CRADD: variants seen among roughly 807,000 people sequenced by gnomAD.
CRADD encodes CARD and death domain containing adaptor protein, also known as death domain-containing protein CRADD.
A neutral mutation model predicts 15.5 loss-of-function variants in CRADD; 9 were observed. The ratio of observed to expected loss-of-function variants is 0.58; its 90% CI spans 0.35 to 1.01. The LOEUF is 1.01. Among genes scored for constraint, CRADD ranks in the 50% least tolerant of loss-of-function variants. The pLI, the probability that CRADD is intolerant of heterozygous loss-of-function variation, is 0.02. For missense variants in CRADD, 227 were observed against 250.3 expected, an observed-to-expected ratio of 0.91 and a Z score of 0.63; for synonymous variants, 118 against 107.6, an observed-to-expected ratio of 1.10 and a Z score of -0.60.
intron 2 of CRADD, among the ~76,000 whole-genome samples, chr12:93,760,150 GA>G (rs1956935734): frequency 6.6e-6 from 1 of 151,958 alleles, no homozygotes; most frequent in Non-Finnish European, 1.5e-5. Flanking sequence ...AGAGGATAGA[GA>G]AAAAAATACA....
rs1957485176 is a variant in CRADD, at chr12:93,802,339, C to T, written c.299-47631C>T. 2.6e-5 allele frequency among the ~76,000 whole-genome samples: 4 copies of T among 152,210 alleles called. No individual in the cohort carries two copies. The South Asian group carries it at 8.3e-4, about 31-fold the overall frequency. ...AAAAGTGTTTCCTTTTAACCACATC[C>T]ATGCCCACATCTATTGTTTTTTGAC... is the stretch of plus-strand genomic sequence containing the variant. On this transcript the variant is annotated intron_variant, in intron 2 of 2. Transcript: ENST00000332896.
chr12:93,681,746 C>T (rs1955308347), intron 2 of CRADD, among the ~76,000 whole-genome samples: 1 of 152,140 alleles, frequency 6.6e-6, no homozygotes, highest in Non-Finnish European at 1.5e-5. Context: ...CAGTGAAAAG[C>T]CCTGAATTGG....
intron 2 of CRADD, among the ~76,000 whole-genome samples, chr12:93,837,101 G>A (rs1055029639): frequency 6.6e-6 from 1 of 152,176 alleles, no homozygotes; most frequent in Non-Finnish European, 1.5e-5. Flanking sequence ...GTTCGCAGCT[G>A]GCTGCTGTGT....
intron 2 of CRADD, among the ~76,000 whole-genome samples, chr12:93,889,095 C>T (rs559287568): frequency 2.6e-5 from 4 of 152,114 alleles, no homozygotes; most frequent in African/African-American, 4.8e-5. Flanking sequence ...GCAGTTGATG[C>T]CAAGGCTGAC....
At chr12:93,806,511 A>G (rs556864730) in intron 2 of CRADD, among the ~76,000 whole-genome samples, 1 of 151,148 alleles carries the variant, frequency 6.6e-6, no homozygotes, top group African/African-American at 2.4e-5. Flanking sequence ...ACACGTGGTC[A>G]GTCTTTGTTC....
chr12:93,807,732 C>T (rs1420219237), intron 2 of CRADD, among the ~76,000 whole-genome samples: 1 of 152,018 alleles, frequency 6.6e-6, no homozygotes, highest in Non-Finnish European at 1.5e-5. Flanking sequence ...TCAGAAGTGG[C>T]TTCTCAAAGG....
intron 2 of CRADD, among the ~76,000 whole-genome samples, chr12:93,836,710 A>G (rs1320572538): frequency 6.6e-6 from 1 of 152,244 alleles, no homozygotes; most frequent in Non-Finnish European, 1.5e-5. Flanking sequence ...GTATGTTATC[A>G]TTGTAATGAA....
At chr12:93,855,619 A>G (rs1342113924), downstream of CRADD, among the ~76,000 whole-genome samples, 1 of 152,142 alleles carries the variant, frequency 6.6e-6, no homozygotes, top group Non-Finnish European at 1.5e-5. Context: ...CACTGTATCT[A>G]AGGCTCTGTC....
Position 93,775,408 on chromosome 12 carries a change from C to T in CRADD, c.299-74562C>T, listed in dbSNP as rs114228150. Among the ~76,000 whole-genome samples, 419 of 152,104 alleles carry T rather than the reference C, an allele frequency of 2.8e-3. 2 individuals carry two copies. Among genetic ancestry groups the T allele is most frequent in the African/African-American group, 9.5e-3 (395 of 41,468 alleles). On this transcript the variant is annotated intron_variant, in intron 2 of 2. Transcript: ENST00000332896. ...ATGTGCAAACACGTATATAGGTTTGCATTAGGAGGCCTGGTTTTCAGAAAG... is the reference window on the plus strand; with the variant it reads ...ATGTGCAAACACGTATATAGGTTTGTATTAGGAGGCCTGGTTTTCAGAAAG...
chr12:93,782,563 C>T (rs1957223223), intron 2 of CRADD, among the ~76,000 whole-genome samples: 1 of 148,560 alleles, frequency 6.7e-6, no homozygotes, highest in African/African-American at 2.5e-5. Context: ...CACTGCACTC[C>T]AACCTGGGCA....
chr12:93,790,978 C>G (rs939775191), intron 2 of CRADD, among the ~76,000 whole-genome samples: 1 of 151,122 alleles, frequency 6.6e-6, no homozygotes, highest in Non-Finnish European at 1.5e-5. Flanking sequence ...ACTCCCCACC[C>G]CCCGACTTCC....
At chr12:93,715,886 A>G (rs1201752741) in intron 2 of CRADD, among the ~76,000 whole-genome samples, 4 of 152,150 alleles carry the variant, frequency 2.6e-5, no homozygotes, top group African/African-American at 9.7e-5. Context: ...TCATGCCTGT[A>G]ATCCCAGCAC....
chr12:93,797,889 A>AG (rs1442946493), intron 2 of CRADD, among the ~76,000 whole-genome samples: 4 of 152,202 alleles, frequency 2.6e-5, no homozygotes, highest in Non-Finnish European at 4.4e-5. Context: ...TCCTGCCTTT[A>AG]GGGGGCTTCC....
At chr12:93,826,287 AG>A (rs1206485041) in intron 2 of CRADD, among the ~76,000 whole-genome samples, 1 of 152,270 alleles carries the variant, frequency 6.6e-6, no homozygotes, top group Non-Finnish European at 1.5e-5. Context: ...TAAATCCCAC[AG>A]GGAAGAGTAT....
chr12:93,737,494 G>C (rs1956591576), intron 2 of CRADD, among the ~76,000 whole-genome samples: 1 of 152,188 alleles, frequency 6.6e-6, no homozygotes, highest in East Asian at 1.9e-4. Context: ...GAACTAATCT[G>C]GTATGTGTTA....
chr12:93,736,202 C>T (rs568675707), intron 2 of CRADD, among the ~76,000 whole-genome samples: 2 of 151,968 alleles, frequency 1.3e-5, no homozygotes, highest in Non-Finnish European at 2.9e-5. Context: ...AAGAGAGAGC[C>T]TCAAAGCAGA....
In CRADD at chr12:93,805,290, T is replaced by G. The variant is rs115438206; in HGVS notation, c.299-44680T>G. 3.4e-3 allele frequency among the ~76,000 whole-genome samples: 516 copies of G among 152,078 alleles called. 4 individuals carry two copies. Among genetic ancestry groups the G allele is most frequent in the African/African-American group, 0.011 (472 of 41,512 alleles). ...ATATTTCTGAGTCTTTTTTTCTTAATATATATGTGAGAAAACTCTAAAGTA... is the reference window on the plus strand; with the variant it reads ...ATATTTCTGAGTCTTTTTTTCTTAAGATATATGTGAGAAAACTCTAAAGTA... On this transcript the variant is annotated intron_variant, in intron 2 of 2. Coordinates refer to ENST00000332896, the MANE Select transcript of CRADD (RefSeq NM_003805.5).
intron 2 of CRADD, chr12:93,894,033 C>A (rs1958595144): frequency 1.4e-6 from 1 of 702,368 alleles, no homozygotes; most frequent in Admixed American, 2.0e-5. Context: ...TTGACCTTCT[C>A]TTTCTTCTCA....
chr12:93,798,452 T>C (rs1447165308), intron 2 of CRADD, among the ~76,000 whole-genome samples: 1 of 152,184 alleles, frequency 6.6e-6, no homozygotes, highest in African/African-American at 2.4e-5. Flanking sequence ...ATGTTACACT[T>C]CACTCAGTCC....
Sources: gnomAD v4.1 joint callset for allele counts (sites outside exome capture counted in the v4.1 genomes callset) on GRCh38, gnomAD v4.1.1 for gene constraint, MANE v1.5 for transcripts, NCBI Gene and HGNC (gene_info 2026-07-23, HGNC 2026-07-21) for gene names.